The following ADCY2 variants were observed in gnomAD, a reference collection of about 807,000 sequenced individuals.
ADCY2 encodes the protein adenylate cyclase 2.
Under a neutral mutation model 125.2 loss-of-function variants are expected in ADCY2, and 31 were observed. The ratio of observed to expected loss-of-function variants is 0.25; its 90% CI spans 0.19 to 0.33. ADCY2 has a LOEUF of 0.33. Among genes scored for constraint, ADCY2 ranks in the 10% least tolerant of loss-of-function variants. The pLI, the probability that ADCY2 is intolerant of heterozygous loss-of-function variation, is 1.00. For synonymous variants in ADCY2, 512 were observed against 548.4 expected, an observed-to-expected ratio of 0.93 and a Z score of 0.93; for missense variants, 904 against 1,418.2, an observed-to-expected ratio of 0.64 and a Z score of 5.82.
At chr5:7,430,671 A>G (rs1476252606) in intron 2 of ADCY2, among the ~76,000 whole-genome samples, 2 of 151,858 alleles carry the variant, frequency 1.3e-5, no homozygotes, top group Non-Finnish European at 2.9e-5. Context: ...TCACCACCTT[A>G]AGGATAATTT....
At chr5:7,569,498 G>A (rs1752383362) in intron 3 of ADCY2, among the ~76,000 whole-genome samples, 1 of 152,156 alleles carries the variant, frequency 6.6e-6, no homozygotes, top group African/African-American at 2.4e-5. Flanking sequence ...TGAGGAACAT[G>A]CCTATTCACC....
At chr5:7,708,448 G>A (rs1741335067) in intron 9 of ADCY2, among the ~76,000 whole-genome samples, 1 of 152,114 alleles carries the variant, frequency 6.6e-6, no homozygotes, top group African/African-American at 2.4e-5. Context: ...GCCAGATCAA[G>A]GGGCTTAGAG....
intron 2 of ADCY2, among the ~76,000 whole-genome samples, chr5:7,447,710 G>T (rs1039130399): frequency 2.6e-5 from 4 of 152,228 alleles, no homozygotes; most frequent in East Asian, 1.9e-4. Flanking sequence ...GATCAGCACA[G>T]TGGGGAGCTG....
At chr5:7,479,633 A>AT (rs11331294) in intron 2 of ADCY2, among the ~76,000 whole-genome samples, 108 of 147,568 alleles carry the variant, frequency 7.3e-4, no homozygotes, top group South Asian at 6.8e-3. Context: ...TACAATTAAA[A>AT]TTTTTTTTTT....
At chr5:7,555,024 C>G (rs779102235) in intron 3 of ADCY2, among the ~76,000 whole-genome samples, 38 of 152,288 alleles carry the variant, frequency 2.5e-4, no homozygotes, top group Middle Eastern at 3.4e-3. Context: ...AGTTCATCCT[C>G]AGATCAAAAG....
At chr5:7,555,732 C>T (rs1034161592) in intron 3 of ADCY2, among the ~76,000 whole-genome samples, 1 of 152,024 alleles carries the variant, frequency 6.6e-6, no homozygotes, top group Non-Finnish European at 1.5e-5. Context: ...GCACCATTTG[C>T]ATGTATCTTT....
intron 20 of ADCY2, among the ~76,000 whole-genome samples, chr5:7,790,683 G>T (rs1355046442): frequency 4.6e-5 from 7 of 152,172 alleles, no homozygotes; most frequent in African/African-American, 1.7e-4. Context: ...GTTGAGGATG[G>T]TGCCCAGGAA....
At chr5:7,607,477 C>T (rs1397820352) in intron 3 of ADCY2, among the ~76,000 whole-genome samples, 6 of 152,174 alleles carry the variant, frequency 3.9e-5, no homozygotes, top group African/African-American at 7.2e-5. Context: ...GCTCCAGGCC[C>T]GTGTGCATCT....
chr5:7,773,376 T>C (rs945695965), intron 18 of ADCY2, among the ~76,000 whole-genome samples: 3 of 152,194 alleles, frequency 2.0e-5, no homozygotes, highest in African/African-American at 7.2e-5. Flanking sequence ...TAATCTAAGA[T>C]TGTCGACCTC....
In ADCY2 at chr5:7,396,632, C is replaced by T. The variant is rs1739055190; in HGVS notation, c.210+126C>T. On this transcript the variant is annotated intron_variant, in intron 1 of 24. Transcript: ENST00000338316. The surrounding 1 kb of genome is among the most constrained non-coding windows in gnomAD (Gnocchi z 5.7). ...CGGCAGCCCCTCGGCCCGCGGCAGC[C>T]CCTCGGCCCGCGGCTCCCTGCTTCT... 1 of 606,688 alleles carries T rather than the reference C, an allele frequency of 1.6e-6. No homozygotes were observed. The highest frequency in any genetic ancestry group is 2.3e-6 in the Non-Finnish European group (1 of 428,908). The allele number at this position is 606,688 out of a possible 1,614,324, so 37.6% of individuals were successfully genotyped here.
chr5:7,740,291 A>C (rs1023292664), intron 14 of ADCY2, among the ~76,000 whole-genome samples: 1 of 152,080 alleles, frequency 6.6e-6, no homozygotes, highest in Non-Finnish European at 1.5e-5. Context: ...TCAGGCAACA[A>C]AATTTTAAGT....
At chr5:7,697,161 A>G (rs1328169250) in intron 6 of ADCY2, among the ~76,000 whole-genome samples, 2 of 151,944 alleles carry the variant, frequency 1.3e-5, no homozygotes, top group Non-Finnish European at 2.9e-5. Context: ...TAACTAATTA[A>G]ATCTGCAGGA....
chr5:7,727,507 A>C (rs79080046), intron 14 of ADCY2, among the ~76,000 whole-genome samples: 4,346 of 152,126 alleles, frequency 0.029, 212 homozygotes, highest in African/African-American at 0.099. Flanking sequence ...AAACAATTTA[A>C]CCTTCTTGTT....
At chr5:7,435,161 C>T (rs541115858) in intron 2 of ADCY2, among the ~76,000 whole-genome samples, 38 of 152,254 alleles carry the variant, frequency 2.5e-4, no homozygotes, top group Admixed American at 5.9e-4. Context: ...TGTTGTGCCA[C>T]GGTCTTGGGC....
At chr5:7,611,418 G>T (rs1737568986) in intron 3 of ADCY2, among the ~76,000 whole-genome samples, 1 of 151,848 alleles carries the variant, frequency 6.6e-6, no homozygotes, top group Admixed American at 6.6e-5. Flanking sequence ...TGGTACCTCT[G>T]GACTAATAGT....
At position 7,826,947 on chromosome 5, in the gene ADCY2, C is replaced by A; in HGVS notation, c.*76C>A. ...ACACTTTCTGACTGCAACTTCTGTC[C>A]CTTGTTTTTGATGTGCGTGCTGTCT... is the stretch of plus-strand genomic sequence containing the variant. On this transcript the variant is annotated 3_prime_UTR_variant, in exon 25 of 25. Coordinates refer to ENST00000338316, the MANE Select transcript of ADCY2 (RefSeq NM_020546.3). 6.6e-7 allele frequency: 1 copy of A among 1,524,312 alleles called. No homozygotes were observed. Among genetic ancestry groups the A allele is most frequent in the Non-Finnish European group, 8.8e-7 (1 of 1,133,416 alleles). The allele number at this position is 1,524,312 out of a possible 1,614,324, so 94.4% of individuals were successfully genotyped here. A position where few individuals can be genotyped will look rare whatever the true frequency, so the allele number is the denominator to read the frequency against.
intron 7 of ADCY2, among the ~76,000 whole-genome samples, chr5:7,699,980 A>G (rs1422693939): frequency 6.6e-6 from 1 of 152,204 alleles, no homozygotes; most frequent in Non-Finnish European, 1.5e-5. Context: ...GTGATTTTTA[A>G]AAGAAATTTT....
At chr5:7,611,855 A>G (rs1737579372) in intron 3 of ADCY2, among the ~76,000 whole-genome samples, 1 of 152,206 alleles carries the variant, frequency 6.6e-6, no homozygotes, top group South Asian at 2.1e-4. Flanking sequence ...TTGTTAGGCA[A>G]GTAATCCAAA....
At chr5:7,771,505 T>C (rs1037566053) in intron 17 of ADCY2, among the ~76,000 whole-genome samples, 2 of 152,196 alleles carry the variant, frequency 1.3e-5, no homozygotes, top group Non-Finnish European at 2.9e-5. Flanking sequence ...GTGCGAGGTG[T>C]TGGTCTTCCT....
Sources: gnomAD v4.1 joint callset for allele counts (sites outside exome capture counted in the v4.1 genomes callset) on GRCh38, gnomAD v4.1.1 for gene constraint, Gnocchi (gnomAD v3.1) non-coding constraint, MANE v1.5 for transcripts, NCBI Gene and HGNC (gene_info 2026-07-23, HGNC 2026-07-21) for gene names.